Variants in ASTN2 observed in about 807,000 individuals in gnomAD.
ASTN2 encodes the protein astrotactin-2.
ASTN2 carries 54 observed loss-of-function variants against 139.8 expected under a neutral mutation model. The ratio of observed to expected loss-of-function variants is 0.39; its 90% CI spans 0.31 to 0.48. The LOEUF (loss-of-function observed/expected upper bound fraction) is 0.48, where lower values mean the gene tolerates loss of function less well. Among genes scored for constraint, ASTN2 ranks in the 20% least tolerant of loss-of-function variants. The pLI, the probability that ASTN2 is intolerant of heterozygous loss-of-function variation, is 0.95. For missense variants in ASTN2, 1,565 were observed against 1,725.1 expected, an observed-to-expected ratio of 0.91 and a Z score of 1.64; for synonymous variants, 756 against 719.5, an observed-to-expected ratio of 1.05 and a Z score of -0.81.
intron 5 of ASTN2, among the ~76,000 whole-genome samples, chr9:117,093,411 G>A (rs757099814): frequency 6.6e-5 from 10 of 152,166 alleles, no homozygotes; most frequent in East Asian, 1.9e-4. Context: ...GCACAGAGAC[G>A]TTAAGTTCCA....
At chr9:116,687,040 G>T in intron 16 of ASTN2, 1 of 1,348,248 alleles carries the variant, frequency 7.4e-7, no homozygotes, top group Non-Finnish European at 9.6e-7. Context: ...AGTCAGATAC[G>T]CATTCTGGCT....
intron 2 of ASTN2, among the ~76,000 whole-genome samples, chr9:117,248,900 G>A (rs1221106287): frequency 6.6e-6 from 1 of 152,178 alleles, no homozygotes; most frequent in Non-Finnish European, 1.5e-5. Context: ...GGACTATCGG[G>A]CTGCCTCACT....
In ASTN2 at chr9:117,414,209, C is replaced by T. The variant is rs1831257142; in HGVS notation, c.442+288G>A. 6.6e-6 allele frequency among the ~76,000 whole-genome samples: 1 copy of T among 152,078 alleles called. No homozygotes were observed. Among genetic ancestry groups the T allele is most frequent in the South Asian group, 2.1e-4 (1 of 4,826 alleles). ...CTTCAGTGAATGGGGTCTCCGGCTT[C>T]CGGGATGGATCAAGCAGAGCTCCAG... On this transcript the variant is annotated intron_variant, in intron 1 of 22. Transcript: ENST00000313400. This position sits in a 1 kb window ranked among gnomAD's most constrained non-coding sequence, Gnocchi z 4.2.
intron 10 of ASTN2, among the ~76,000 whole-genome samples, chr9:116,868,966 C>T (rs974381011): frequency 1.3e-5 from 2 of 152,138 alleles, no homozygotes; most frequent in Non-Finnish European, 2.9e-5. Flanking sequence ...AGGTGGATCA[C>T]CTGAGGTCAG....
chr9:116,618,238 G>A (rs990221094), intron 19 of ASTN2, 86 bp downstream of exon 19: 2 of 1,411,802 alleles, frequency 1.4e-6, no homozygotes, highest in Non-Finnish European at 1.9e-6. Flanking sequence ...CAAGACAGAT[G>A]AGACCAAGTC....
intron 1 of ASTN2, among the ~76,000 whole-genome samples, chr9:117,351,328 G>A (rs1374039491): frequency 1.3e-5 from 2 of 152,102 alleles, no homozygotes; most frequent in Non-Finnish European, 1.5e-5. Context: ...GAAACTTTTT[G>A]TATTTCACTT....
intron 11 of ASTN2, among the ~76,000 whole-genome samples, chr9:116,826,208 A>C (rs979509883): frequency 6.6e-6 from 1 of 152,134 alleles, no homozygotes; most frequent in Admixed American, 6.6e-5. Flanking sequence ...AGACCAGGCT[A>C]TCCTATGCAT....
chr9:116,560,123 G>A (rs575983906), intron 19 of ASTN2, among the ~76,000 whole-genome samples: 2 of 152,268 alleles, frequency 1.3e-5, no homozygotes, highest in African/African-American at 4.8e-5. Flanking sequence ...AATTAACATT[G>A]TAAATGTTAA....
chr9:117,244,759 GGAGA>G (rs1200255995), intron 2 of ASTN2, among the ~76,000 whole-genome samples: 2 of 147,072 alleles, frequency 1.4e-5, no homozygotes, highest in South Asian at 4.5e-4. Flanking sequence ...AGGGAGGGAG[GGAGA>G]GAGGGAAGGA....
chr9:116,806,447 T>A (rs1471334562), intron 12 of ASTN2, among the ~76,000 whole-genome samples: 1 of 152,098 alleles, frequency 6.6e-6, no homozygotes, highest in Admixed American at 6.5e-5. Context: ...CAGTGACAAA[T>A]CTCAGAGAGG....
chr9:117,177,237 C>T (rs1302616605), intron 3 of ASTN2, among the ~76,000 whole-genome samples: 2 of 152,152 alleles, frequency 1.3e-5, no homozygotes, highest in Non-Finnish European at 2.9e-5. Context: ...CAAGGAGTGT[C>T]TAAACAGTTT....
At chr9:117,356,770 G>A (rs1829550110) in intron 1 of ASTN2, among the ~76,000 whole-genome samples, 1 of 152,148 alleles carries the variant, frequency 6.6e-6, no homozygotes, top group African/African-American at 2.4e-5. Context: ...GAAAGATAAA[G>A]AATTGAGTAT....
intron 3 of ASTN2, among the ~76,000 whole-genome samples, chr9:117,148,896 A>G (rs1328019855): frequency 6.6e-6 from 1 of 152,144 alleles, no homozygotes; most frequent in Non-Finnish European, 1.5e-5. Context: ...TTTGGACTTG[A>G]GCCGCAATAT....
At chr9:116,941,578 C>G (rs1588428488) in intron 10 of ASTN2, among the ~76,000 whole-genome samples, 1 of 135,828 alleles carries the variant, frequency 7.4e-6, no homozygotes, top group East Asian at 2.5e-4. Flanking sequence ...AGACAATCTG[C>G]TTTACTTAAG....
intron 10 of ASTN2, among the ~76,000 whole-genome samples, chr9:116,901,084 T>C (rs1169592617): frequency 1.6e-5 from 2 of 128,050 alleles, no homozygotes; most frequent in African/African-American, 5.1e-5. Flanking sequence ...TATTTCCGGC[T>C]ACTGATTGTG....
intron 4 of ASTN2, among the ~76,000 whole-genome samples, chr9:117,108,877 C>T (rs147863014): frequency 2.6e-3 from 399 of 152,264 alleles, no homozygotes; most frequent in Non-Finnish European, 4.1e-3. Context: ...TTCTGGTGCT[C>T]CCAACTTCCC....
At chr9:116,476,615 G>A (rs148393676) in intron 20 of ASTN2, among the ~76,000 whole-genome samples, 58 of 152,318 alleles carry the variant, frequency 3.8e-4, no homozygotes, top group Middle Eastern at 6.8e-3. Context: ...CTTACTGTGA[G>A]GCACCTCCTA....
chr9:116,539,722 C>A (rs193176911), intron 19 of ASTN2, among the ~76,000 whole-genome samples: 2 of 152,284 alleles, frequency 1.3e-5, no homozygotes, highest in African/African-American at 4.8e-5. Flanking sequence ...ATGCTTCACA[C>A]CCTGGGTGGG....
chr9:116,945,437 T>G (rs1432928243), intron 10 of ASTN2, among the ~76,000 whole-genome samples: 1 of 152,170 alleles, frequency 6.6e-6, no homozygotes, highest in Admixed American at 6.5e-5. Context: ...CTAAAGGCTA[T>G]GAAGGTAGAG....
Sources: gnomAD v4.1 joint callset for allele counts (sites outside exome capture counted in the v4.1 genomes callset) on GRCh38, gnomAD v4.1.1 for gene constraint, Gnocchi (gnomAD v3.1) non-coding constraint, MANE v1.5 for transcripts, NCBI Gene and HGNC (gene_info 2026-07-23, HGNC 2026-07-21) for gene names.